The following MSANTD2 variants were observed in gnomAD, a reference collection of about 807,000 sequenced individuals.
MSANTD2 encodes the protein Myb/SANT DNA binding domain containing 2.
In MSANTD2, 19 loss-of-function variants were observed where a neutral mutation model predicts 52.6. That is an observed-to-expected ratio of 0.36 (90% CI 0.25 to 0.53). The LOEUF (loss-of-function observed/expected upper bound fraction) is 0.53. MSANTD2 is among the 20% of genes least tolerant of loss of function. The probability of loss-of-function intolerance (pLI) is 0.91; values close to 1 mark genes in which losing one functional copy is unlikely to be tolerated. For missense variants in MSANTD2, 558 were observed against 716.3 expected, an observed-to-expected ratio of 0.78 and a Z score of 2.52; for synonymous variants, 291 against 289.7, an observed-to-expected ratio of 1.00 and a Z score of -0.04.
rs1488551441 is a variant in MSANTD2, at chr11:124,775,028, T to C, written c.511-54A>G. On this transcript the variant is annotated intron_variant, in intron 1 of 3. Coordinates refer to ENST00000374979, the MANE Select transcript of MSANTD2 (RefSeq NM_001308027.2). ...TTAAAGCTGTACTTCCTCTTCCAGG[T>C]ACGGACCACAGATATTAATTACTAT... 2.7e-6 allele frequency: 4 copies of C among 1,476,586 alleles called. No homozygotes were observed. In the African/African-American group the frequency reaches 5.6e-5, roughly 21 times the overall value. The allele number at this position is 1,476,586 out of a possible 1,614,324, so 91.5% of individuals were successfully genotyped here. A position where few individuals can be genotyped will look rare whatever the true frequency, so the allele number is the denominator to read the frequency against.
intron 1 of MSANTD2, 44 bp downstream of exon 1, chr11:124,799,827 C>T (rs1340340312): frequency 9.5e-6 from 14 of 1,478,060 alleles, no homozygotes; most frequent in African/African-American, 1.4e-5. Flanking sequence ...TCCCCGCCTT[C>T]TCTCTGCCTC....
At chr11:124,784,343 G>A (rs1945087904) in intron 1 of MSANTD2, 1 of 984,676 alleles carries the variant, frequency 1.0e-6, no homozygotes, top group African/African-American at 1.7e-5. Flanking sequence ...TTATTAGTAT[G>A]TGATATCTAA....
intron 1 of MSANTD2, among the ~76,000 whole-genome samples, chr11:124,798,002 C>T (rs1455470647): frequency 6.6e-6 from 1 of 152,080 alleles, no homozygotes; most frequent in Non-Finnish European, 1.5e-5. Context: ...TTTCTACAGA[C>T]AGAAATCAAT....
At chr11:124,795,141 A>C (rs1945454945) in intron 1 of MSANTD2, among the ~76,000 whole-genome samples, 1 of 152,138 alleles carries the variant, frequency 6.6e-6, no homozygotes. Context: ...AGCCTCCCAA[A>C]GTATTGCGAT....
At chr11:124,788,198 C>A (rs1480807438) in intron 1 of MSANTD2, among the ~76,000 whole-genome samples, 2 of 151,984 alleles carry the variant, frequency 1.3e-5, no homozygotes, top group Admixed American at 1.3e-4. Flanking sequence ...ATCCTAACTA[C>A]CCATGCAGAG....
chr11:124,787,455 A>G (rs670739), intron 1 of MSANTD2, among the ~76,000 whole-genome samples: 40,255 of 152,044 alleles, frequency 0.26, 5,458 homozygotes, highest in South Asian at 0.35. Context: ...ATCTTGGCTC[A>G]CTGCAACCTC....
intron 3 of MSANTD2, among the ~76,000 whole-genome samples, chr11:124,769,983 G>A (rs1452148109): frequency 6.6e-6 from 1 of 152,220 alleles, no homozygotes; most frequent in African/African-American, 2.4e-5. Context: ...GCCTGAAGCT[G>A]ATTTGGGCTC....
Position 124,774,567 on chromosome 11 carries a change from A to C in MSANTD2, c.766+152T>G. 1 of 765,496 alleles carries C rather than the reference A, an allele frequency of 1.3e-6. No individual in the cohort carries two copies. Among genetic ancestry groups the C allele is most frequent in the South Asian group, 2.1e-5 (1 of 48,778 alleles). The allele number at this position is 765,496 out of a possible 1,614,324, so 47.4% of individuals were successfully genotyped here. On this transcript the variant is annotated intron_variant, in intron 2 of 3. Coordinates refer to ENST00000374979, the MANE Select transcript of MSANTD2 (RefSeq NM_001308027.2). The surrounding 1 kb of genome is among the most constrained non-coding windows in gnomAD (Gnocchi z 5.1). ...AGACTGGGACATGCAAATTCATGAA[A>C]GACATACAAGGCAGAGATGCCCTTT...
At position 124,800,302 on chromosome 11, in the gene MSANTD2, A is replaced by G; in HGVS notation, c.79T>C (p.Ser27Pro). Residue 27 changes from serine (S) to proline (P), a missense_variant, in exon 1 of 4, where the codon TCT becomes CCT. By Grantham distance (74) the Ser-to-Pro change is moderately conservative (BLOSUM62 -1). Transcript: ENST00000374979. The surrounding 1 kb of genome is among the most constrained non-coding windows in gnomAD (Gnocchi z 4.3). Reference protein sequence around the residue: ...IPKMEVLSPASPGGLSDGNPS... With the variant: ...IPKMEVLSPAPPGGLSDGNPS... The stretch of plus-strand genomic sequence containing the variant: ...TTTCCGTCGCTCAGGCCACCAGGAG[A>G]AGCCGGGGAAAGCACCTCCATCTTC... 6.4e-7 allele frequency: 1 copy of G among 1,567,082 alleles called. No homozygotes were observed. The highest frequency in any genetic ancestry group is 8.6e-7 in the Non-Finnish European group (1 of 1,159,210).
At chr11:124,781,091 G>A (rs953577731) in intron 1 of MSANTD2, among the ~76,000 whole-genome samples, 8 of 151,552 alleles carry the variant, frequency 5.3e-5, no homozygotes, top group African/African-American at 7.3e-5. Flanking sequence ...GCTGAGGCAG[G>A]AGAATCACTT....
At chr11:124,789,488 G>A (rs925830224) in intron 1 of MSANTD2, 5 of 152,072 alleles carry the variant, frequency 3.3e-5, no homozygotes, top group African/African-American at 1.2e-4. Flanking sequence ...TATAATTTAT[G>A]AATACAGCCA....
At chr11:124,798,274 G>C (rs1267517117) in intron 1 of MSANTD2, among the ~76,000 whole-genome samples, 1 of 147,806 alleles carries the variant, frequency 6.8e-6, no homozygotes, top group Non-Finnish European at 1.5e-5. Flanking sequence ...AATGAGCCAG[G>C]TGTGGTGGGG....
intron 3 of MSANTD2, among the ~76,000 whole-genome samples, chr11:124,770,723 A>C (rs1455757302): frequency 1.3e-5 from 2 of 150,910 alleles, no homozygotes; most frequent in East Asian, 3.9e-4. Flanking sequence ...CTTGTGCCTC[A>C]GCCTCCCGAG....
intron 3 of MSANTD2, among the ~76,000 whole-genome samples, chr11:124,770,233 T>C (rs958792066): frequency 6.6e-6 from 1 of 152,184 alleles, no homozygotes; most frequent in African/African-American, 2.4e-5. Flanking sequence ...TAGGACACTT[T>C]AATGAAAAAG....
At position 124,800,145 on chromosome 11, in the gene MSANTD2, G is replaced by A. The variant is rs1175204426; in HGVS notation, c.236C>T (p.Ser79Leu). The A allele has an allele frequency of 6.8e-6, 10 of 1,477,114 alleles. No homozygotes were observed. The South Asian group carries it at 9.1e-5, about 13-fold the overall frequency. 91.5% of individuals were successfully genotyped at this position (1,477,114 alleles called of 1,614,324 possible). Residue 79 changes from serine to leucine, a missense_variant, in exon 1 of 4, where the codon TCG (serine) becomes TTG (leucine). Ser to Leu is a moderately radical substitution (Grantham distance 145, BLOSUM62 -2). Transcript: ENST00000374979. This position sits in a 1 kb window ranked among gnomAD's most constrained non-coding sequence, Gnocchi z 4.3. ...GLGGRSAASS[S>L]VSFSPGGGGG... ...GCCGCCACCAGGGGAGAAGGAGACC[G>A]AGGACGAGGCGGCGCTGCGGCCCCC...
At chr11:124,772,099 A>C (rs1248122379) in intron 3 of MSANTD2, among the ~76,000 whole-genome samples, 4 of 152,198 alleles carry the variant, frequency 2.6e-5, no homozygotes, top group Non-Finnish European at 5.9e-5. Context: ...GGGAAGATCA[A>C]ATTGTATGGA....
At chr11:124,783,703 A>T in intron 1 of MSANTD2, 1 of 981,726 alleles carries the variant, frequency 1.0e-6, no homozygotes, top group Non-Finnish European at 1.2e-6. Context: ...TTGTCAATGA[A>T]TATCAAGTTC....
At chr11:124,781,043 C>T (rs1944945513) in intron 1 of MSANTD2, among the ~76,000 whole-genome samples, 1 of 152,008 alleles carries the variant, frequency 6.6e-6, no homozygotes, top group African/African-American at 2.4e-5. Context: ...ATCAGCCAGG[C>T]GTGGTGGTGG....
At chr11:124,788,109 A>G (rs955463239) in intron 1 of MSANTD2, among the ~76,000 whole-genome samples, 1 of 151,498 alleles carries the variant, frequency 6.6e-6, no homozygotes, top group African/African-American at 2.4e-5. Flanking sequence ...CCAATTAATT[A>G]ATCATTTTGA....
Sources: gnomAD v4.1 joint callset for allele counts (sites outside exome capture counted in the v4.1 genomes callset) on GRCh38, gnomAD v4.1.1 for gene constraint, Gnocchi (gnomAD v3.1) non-coding constraint, MANE v1.5 for transcripts, NCBI Gene and HGNC (gene_info 2026-07-23, HGNC 2026-07-21) for gene names.